Variants in SNX29 observed in about 807,000 individuals in gnomAD.
SNX29 encodes the protein sorting nexin-29.
SNX29 carries 78 observed loss-of-function variants against 102.1 expected under a neutral mutation model. The observed-to-expected ratio is 0.76, with a 90% CI of 0.64 to 0.92. SNX29 has a LOEUF of 0.92. Among genes scored for constraint, SNX29 ranks in the 40% least tolerant of loss-of-function variants. The probability of loss-of-function intolerance (pLI) is 0.00; values close to 1 mark genes in which losing one functional copy is unlikely to be tolerated. For synonymous variants in SNX29, 580 were observed against 414.5 expected, an observed-to-expected ratio of 1.40 and a Z score of -4.85; for missense variants, 1,280 against 1,061.7, an observed-to-expected ratio of 1.21 and a Z score of -2.86.
chr16:12,143,100 C>T (rs185046906), intron 13 of SNX29, among the ~76,000 whole-genome samples: 9 of 151,924 alleles, frequency 5.9e-5, no homozygotes, highest in African/African-American at 1.7e-4. Flanking sequence ...TGGGTGCAAG[C>T]GATTCTCCTG....
At chr16:12,492,247 T>C (rs920149994) in intron 19 of SNX29, among the ~76,000 whole-genome samples, 2 of 152,228 alleles carry the variant, frequency 1.3e-5, no homozygotes, top group African/African-American at 4.8e-5. Flanking sequence ...TGGTATCTCA[T>C]TGTGGTTTTG....
At chr16:12,071,525 C>G (rs925388201) in intron 10 of SNX29, among the ~76,000 whole-genome samples, 1 of 152,130 alleles carries the variant, frequency 6.6e-6, no homozygotes, top group Non-Finnish European at 1.5e-5. Context: ...TTCCATTGAT[C>G]TATATTTCTG....
chr16:12,554,964 G>T (rs564695616), intron 20 of SNX29, among the ~76,000 whole-genome samples: 1 of 151,882 alleles, frequency 6.6e-6, no homozygotes, highest in African/African-American at 2.4e-5. Context: ...AATGGAGGTG[G>T]TGAGGGGGGT....
At chr16:12,316,843 G>C (rs1191246628) in intron 15 of SNX29, among the ~76,000 whole-genome samples, 1 of 152,210 alleles carries the variant, frequency 6.6e-6, no homozygotes, top group East Asian at 1.9e-4. Flanking sequence ...CTTGAAGGTG[G>C]TGGAAAGTGA....
rs1201913775 is a variant in SNX29 at position 12,242,579 on chromosome 16, TTTCTTCTTCTC to T, written c.1679-35325_1679-35315del. Among the ~76,000 whole-genome samples the T allele has an allele frequency of 2.7e-3, 398 of 149,730 alleles. 1 individual carries two copies. The highest frequency in any genetic ancestry group is 6.4e-3 in the South Asian group (30 of 4,720). Reference sequence around the variant, plus strand: ...ATTTGGCCGGCTCTTTTCTTCTTCTTTTCTTCTTCTCTTCTTCTTCTCTTCTTCTTCTCTTC... The same window carrying T: ...ATTTGGCCGGCTCTTTTCTTCTTCTTTTCTTCTTCTCTTCTTCTTCTCTTC... On this transcript the variant is annotated intron_variant, in intron 14 of 20. Transcript: ENST00000566228.
At chr16:12,123,331 A>G (rs770274002) in intron 11 of SNX29, among the ~76,000 whole-genome samples, 1 of 152,148 alleles carries the variant, frequency 6.6e-6, no homozygotes, top group Non-Finnish European at 1.5e-5. Flanking sequence ...TCAAGTAAAC[A>G]GTACCATAGT....
intron 18 of SNX29, among the ~76,000 whole-genome samples, chr16:12,449,153 C>T (rs1198691074): frequency 6.6e-6 from 1 of 152,000 alleles, no homozygotes; most frequent in Non-Finnish European, 1.5e-5. Flanking sequence ...AAGGCAGGCA[C>T]AGCAGCAGGG....
intron 5 of SNX29, among the ~76,000 whole-genome samples, chr16:12,044,741 G>A (rs1472267043): frequency 6.6e-6 from 1 of 152,244 alleles, no homozygotes; most frequent in South Asian, 2.1e-4. Context: ...ACCATGCCTG[G>A]TTAATTTTTT....
rs1421376247 is a variant in SNX29 at position 12,238,065 on chromosome 16, G to C, written c.1678+38382G>C. 2.0e-5 allele frequency among the ~76,000 whole-genome samples: 3 copies of C among 152,182 alleles called. No individual in the cohort carries two copies. The East Asian group carries it at 5.8e-4, about 29-fold the overall frequency. ...GGGGGTTGAGGTTGGATAAGGGTGA[G>C]ACCTACAAGCCAGAGAAGGGAGATG... On this transcript the variant is annotated intron_variant, in intron 14 of 20. Coordinates refer to ENST00000566228, the MANE Select transcript of SNX29 (RefSeq NM_032167.5).
chr16:12,101,016 A>G (rs955879836), intron 11 of SNX29, among the ~76,000 whole-genome samples: 32 of 152,260 alleles, frequency 2.1e-4, no homozygotes, highest in Admixed American at 1.7e-3. Flanking sequence ...TCCATGGCCC[A>G]TCTCTTCTCA....
intron 13 of SNX29, among the ~76,000 whole-genome samples, chr16:12,186,476 G>A (rs796619250): frequency 3.3e-5 from 5 of 152,228 alleles, no homozygotes; most frequent in African/African-American, 1.2e-4. Context: ...TAAGAACAAG[G>A]ATACTTCCTT....
intron 19 of SNX29, among the ~76,000 whole-genome samples, chr16:12,488,941 AGACAACTT>A (rs1396379184): frequency 6.6e-6 from 1 of 152,168 alleles, no homozygotes; most frequent in Non-Finnish European, 1.5e-5. Flanking sequence ...ATGAATTATA[AGACAACTT>A]GACTCCGTTG....
At chr16:12,139,684 A>G (rs561126872) in intron 13 of SNX29, among the ~76,000 whole-genome samples, 1 of 152,208 alleles carries the variant, frequency 6.6e-6, no homozygotes, top group East Asian at 1.9e-4. Flanking sequence ...TCAGCCATTC[A>G]TTGAAATCTT....
chr16:12,180,555 C>T (rs1463257558), intron 13 of SNX29, among the ~76,000 whole-genome samples: 3 of 151,828 alleles, frequency 2.0e-5, no homozygotes, highest in Non-Finnish European at 2.9e-5. Flanking sequence ...GCGATCTCGG[C>T]TCACTGCAAG....
chr16:12,348,779 G>A (rs1247245188), intron 15 of SNX29, among the ~76,000 whole-genome samples: 1 of 152,200 alleles, frequency 6.6e-6, no homozygotes, highest in Non-Finnish European at 1.5e-5. Context: ...TCTTGGACAA[G>A]TTGCACACCC....
intron 20 of SNX29, among the ~76,000 whole-genome samples, chr16:12,561,462 C>CTAGTAAGTGGAG (rs1899640581): frequency 6.6e-6 from 1 of 152,134 alleles, no homozygotes; most frequent in Admixed American, 6.5e-5. Context: ...AAGGCAGCTC[C>CTAGTAAGTGGAG]TAGTAAGTGG....
chr16:12,307,352 G>C (rs1199055588), intron 15 of SNX29, among the ~76,000 whole-genome samples: 1 of 152,202 alleles, frequency 6.6e-6, no homozygotes, highest in Non-Finnish European at 1.5e-5. Context: ...TAAGGCCACA[G>C]AGAGAACTGT....
chr16:12,120,702 G>A (rs1194614594), intron 11 of SNX29, among the ~76,000 whole-genome samples: 2 of 152,202 alleles, frequency 1.3e-5, no homozygotes, highest in Admixed American at 6.5e-5. Context: ...GGGACTGGAG[G>A]CTGGTCCCTG....
chr16:12,149,085 T>C (rs1257679136), intron 13 of SNX29, among the ~76,000 whole-genome samples: 7 of 152,182 alleles, frequency 4.6e-5, no homozygotes, highest in Admixed American at 4.6e-4. Context: ...CAGTGGATGT[T>C]TGTTGAATGA....
Sources: allele counts gnomAD v4.1 joint callset (sites outside exome capture counted in the v4.1 genomes callset), GRCh38; gene constraint gnomAD v4.1.1; transcripts MANE v1.5; gene names NCBI Gene and HGNC (gene_info 2026-07-23, HGNC 2026-07-21).